SLC22A2: variants seen among roughly 807,000 people sequenced by gnomAD.
SLC22A2 encodes organic cation transporter 2.
Under a neutral mutation model 60.5 loss-of-function variants are expected in SLC22A2, and 46 were observed. That is an observed-to-expected ratio of 0.76 (90% CI 0.60 to 0.97). The LOEUF (loss-of-function observed/expected upper bound fraction) is 0.97, where lower values mean the gene tolerates loss of function less well. Among genes scored for constraint, SLC22A2 ranks in the 50% least tolerant of loss-of-function variants. The pLI is 0.00. For missense variants in SLC22A2, 701 were observed against 706.6 expected (o/e 0.99, Z 0.09); for synonymous variants, 303 against 267.0 (o/e 1.13, Z -1.31).
At chr6:160,222,996 T>G (rs555517944) in intron 10 of SLC22A2, among the ~76,000 whole-genome samples, 2 of 152,344 alleles carry the variant, frequency 1.3e-5, no homozygotes, top group East Asian at 3.9e-4. Context: ...CAAAGGCCTC[T>G]TCCAACTCTA....
chr6:160,241,571 G>A lies in SLC22A2; in HGVS notation c.1404C>T (p.His468=). Residue 468 remains histidine, a synonymous_variant, in exon 9 of 11, where the codon CAC becomes CAT. Coordinates refer to ENST00000366953, the MANE Select transcript of SLC22A2 (RefSeq NM_003058.4). ...YPTFIRNLGV[H]ICSSMCDIGG... is the part of the protein sequence containing the mutation. ...CAATGTCACACATTGAGGAACAGATGTGGACGCCAAGATTCCTAGAATGCA... is the reference window on the plus strand; with the variant it reads ...CAATGTCACACATTGAGGAACAGATATGGACGCCAAGATTCCTAGAATGCA... 6.2e-7 allele frequency: 1 copy of A among 1,612,024 alleles called. No homozygotes were observed. Among genetic ancestry groups the A allele is most frequent in the Non-Finnish European group, 8.5e-7 (1 of 1,178,192 alleles).
intron 9 of SLC22A2, among the ~76,000 whole-genome samples, chr6:160,230,904 G>T (rs1782810607): frequency 6.6e-6 from 1 of 151,932 alleles, no homozygotes; most frequent in African/African-American, 2.4e-5. Context: ...GGCCCCTAAA[G>T]CTCTAGCCCA....
chr6:160,220,861 G>C (rs1420506505), intron 10 of SLC22A2, among the ~76,000 whole-genome samples: 3 of 152,156 alleles, frequency 2.0e-5, no homozygotes, highest in African/African-American at 7.2e-5. Flanking sequence ...GTAAACAGAT[G>C]TACTGTTATC....
chr6:160,217,806 T>C (rs1412236184), intron 10 of SLC22A2: 1 of 208,450 alleles, frequency 4.8e-6, no homozygotes, highest in Non-Finnish European at 9.5e-6. Flanking sequence ...CTTAATCTTA[T>C]ATCAGTTAAA....
rs376163697 is a variant in SLC22A2, at chr6:160,243,719, G to T, written c.1132C>A (p.Leu378Met). The change falls in exon 7 of 11, where the codon CTG becomes ATG. Residue 378 changes from leucine (L) to methionine (M), a missense_variant. Physicochemically the swap from Leu to Met is conservative, Grantham distance 15. Coordinates refer to ENST00000366953, the MANE Select transcript of SLC22A2 (RefSeq NM_003058.4). Reference protein sequence around the residue: ...HMGLAGDNIYLDFFYSALVEF... With the variant: ...HMGLAGDNIYMDFFYSALVEF... ...ACCAGGGCAGAGTAGAAGAAATCCA[G>T]GTAGATATTGTCACCTGCAAGGCCC... 4 of 1,613,914 alleles carry T rather than the reference G, an allele frequency of 2.5e-6. No homozygotes were observed. In the African/African-American group the frequency reaches 5.3e-5, roughly 22 times the overall value.
At chr6:160,256,833 G>C (rs1233284727) in intron 1 of SLC22A2, 116 bp from the exon 2 acceptor site, 4 of 666,076 alleles carry the variant, frequency 6.0e-6, no homozygotes, top group Non-Finnish European at 1.1e-5. Context: ...GAATTGAACT[G>C]TATAGTTAAG....
At chr6:160,257,387 G>A (rs1229092129) in intron 1 of SLC22A2, among the ~76,000 whole-genome samples, 3 of 152,110 alleles carry the variant, frequency 2.0e-5, no homozygotes, top group Non-Finnish European at 4.4e-5. Context: ...GACCAGGTCA[G>A]GAGACCCATC....
At chr6:160,222,069 T>C (rs1038719530) in intron 10 of SLC22A2, among the ~76,000 whole-genome samples, 8 of 152,152 alleles carry the variant, frequency 5.3e-5, no homozygotes, top group South Asian at 4.1e-4. Flanking sequence ...GGGAAGGGCA[T>C]GGAAAGCACT....
intron 2 of SLC22A2, among the ~76,000 whole-genome samples, chr6:160,255,320 C>T (rs1472403188): frequency 6.6e-6 from 1 of 152,172 alleles, no homozygotes; most frequent in Non-Finnish European, 1.5e-5. Flanking sequence ...GGCCCCAGGC[C>T]CCTGTGAAGT....
intron 1 of SLC22A2, among the ~76,000 whole-genome samples, chr6:160,257,278 C>G (rs1783289898): frequency 6.6e-6 from 1 of 152,306 alleles, no homozygotes; most frequent in African/African-American, 2.4e-5. Flanking sequence ...CATCTCCCTG[C>G]TGTCTGTTTA....
At chr6:160,221,420 A>G (rs1782642656) in intron 10 of SLC22A2, among the ~76,000 whole-genome samples, 1 of 152,232 alleles carries the variant, frequency 6.6e-6, no homozygotes, top group Non-Finnish European at 1.5e-5. Context: ...CTTTCTCCAT[A>G]TCAGCAATAA....
In SLC22A2 at chr6:160,245,465, T is replaced by A. The variant is rs1405347569; in HGVS notation, c.1038A>T (p.Lys346Asn). ...AGTTGTACATCAATATCATAGTATGTTTCCTTATCTGAGGAGTTCTGACCA... is the reference window on the plus strand; with the variant it reads ...AGTTGTACATCAATATCATAGTATGATTCCTTATCTGAGGAGTTCTGACCA... ...LDLVRTPQIR[K>N]HTMILMYNWF... The change falls in exon 6 of 11, where the codon AAA becomes AAT. Residue 346 changes from lysine to asparagine, a missense_variant. Physicochemically the swap from Lys to Asn is moderately conservative, Grantham distance 94. Coordinates refer to ENST00000366953, the MANE Select transcript of SLC22A2 (RefSeq NM_003058.4). 2 of 1,600,970 alleles carry A rather than the reference T, an allele frequency of 1.2e-6. No individual in the cohort carries two copies.
chr6:160,234,176 C>T (rs1782873528), intron 9 of SLC22A2, among the ~76,000 whole-genome samples: 1 of 152,106 alleles, frequency 6.6e-6, no homozygotes, highest in East Asian at 1.9e-4. Flanking sequence ...TTTTCCTTTA[C>T]CTACCCACAT....
In SLC22A2 at chr6:160,258,439, G is replaced by A. The variant is rs1375184529; in HGVS notation, c.319C>T (p.Leu107=). The stretch of plus-strand genomic sequence containing the variant: ...CTCCTGTTGGTGTCCAGGCTGGCCA[G>A]GGGGTCCACGCAGTCGAAGGTGCTC... ...NQSTFDCVDP[L]ASLDTNRSRL... is the part of the protein sequence containing the mutation. Residue 107 remains leucine (L), a synonymous_variant, in exon 1 of 11, where the codon CTG becomes TTG. Transcript: ENST00000366953. 6.2e-7 allele frequency: 1 copy of A among 1,614,138 alleles called. No individual in the cohort carries two copies. Among genetic ancestry groups the A allele is most frequent in the Non-Finnish European group, 8.5e-7 (1 of 1,180,026 alleles).
Position 160,232,463 on chromosome 6 carries a change from A to ACAAAT in SLC22A2, c.1502-7664_1502-7660dup, listed in dbSNP as rs1453581472. 9.9e-5 allele frequency among the ~76,000 whole-genome samples: 15 copies of ACAAAT among 152,028 alleles called. No individual in the cohort carries two copies. The East Asian group carries it at 2.9e-3, about 29-fold the overall frequency. On this transcript the variant is annotated intron_variant, in intron 9 of 10. Coordinates refer to ENST00000366953, the MANE Select transcript of SLC22A2 (RefSeq NM_003058.4). ...GGGCCCTCACTCTTGCAAAGGGACTACAAATCAATATTAATACTGACTCTA... is the reference window on the plus strand; with the variant it reads ...GGGCCCTCACTCTTGCAAAGGGACTACAAATCAAATCAATATTAATACTGACTCTA...
At chr6:160,241,624 C>A (rs1217747415) in intron 8 of SLC22A2, 38 bp from the exon 9 acceptor site, 4 of 1,314,150 alleles carry the variant, frequency 3.0e-6, no homozygotes, top group Non-Finnish European at 4.4e-6. Context: ...GTTAACTTAT[C>A]ACAGTGCAGT....
At chr6:160,239,217 C>G (rs768079970) in intron 9 of SLC22A2, among the ~76,000 whole-genome samples, 1 of 152,136 alleles carries the variant, frequency 6.6e-6, no homozygotes, top group African/African-American at 2.4e-5. Context: ...TGGTGATGTC[C>G]GGAAGTCACC....
chr6:160,232,255 A>G (rs1185945759), intron 9 of SLC22A2, among the ~76,000 whole-genome samples: 2 of 151,648 alleles, frequency 1.3e-5, no homozygotes, highest in Non-Finnish European at 2.9e-5. Flanking sequence ...CCATTTCCCC[A>G]TATTTCCTTC....
chr6:160,248,654 C>T (rs1220965864), intron 4 of SLC22A2, among the ~76,000 whole-genome samples: 2 of 152,158 alleles, frequency 1.3e-5, no homozygotes, highest in African/African-American at 2.4e-5. Flanking sequence ...TCTGGTATTT[C>T]CCATGTGTTT....
Sources: gnomAD v4.1 joint callset for allele counts (sites outside exome capture counted in the v4.1 genomes callset) on GRCh38, gnomAD v4.1.1 for gene constraint, MANE v1.5 for transcripts, NCBI Gene and HGNC (gene_info 2026-07-23, HGNC 2026-07-21) for gene names.